NAALADL2: variants seen among roughly 807,000 people sequenced by gnomAD.
The protein encoded by NAALADL2 is N-acetylated alpha-linked acidic dipeptidase like 2, also known as inactive N-acetylated-alpha-linked acidic dipeptidase-like protein 2.
NAALADL2 carries 76 observed loss-of-function variants against 87.2 expected under a neutral mutation model. The observed-to-expected ratio is 0.87, with a 90% confidence interval of 0.72 to 1.05. NAALADL2 has a LOEUF of 1.05. Ranked by LOEUF, NAALADL2 falls within the 50% of genes least tolerant of loss-of-function variation. NAALADL2 has a pLI of 0.00. For missense variants in NAALADL2, 1,089 were observed against 945.8 expected (o/e 1.15, Z -1.99); for synonymous variants, 354 against 331.0 (o/e 1.07, Z -0.75).
chr3:175,319,076 C>T (rs1409593349), intron 4 of NAALADL2, among the ~76,000 whole-genome samples: 2 of 152,218 alleles, frequency 1.3e-5, no homozygotes, highest in Admixed American at 6.5e-5. Flanking sequence ...ATTAGACTCT[C>T]CCTCCCCCAC....
chr3:175,221,198 TA>T (rs368539591), intron 2 of NAALADL2, among the ~76,000 whole-genome samples: 68 of 135,858 alleles, frequency 5.0e-4, no homozygotes, highest in Admixed American at 5.3e-4. Context: ...GACTCCGTTT[TA>T]AAAAAAAAAA....
intron 9 of NAALADL2, among the ~76,000 whole-genome samples, chr3:175,562,996 A>G (rs920694621): frequency 3.3e-5 from 5 of 151,792 alleles, no homozygotes; most frequent in Non-Finnish European, 5.9e-5. Flanking sequence ...GTTATGTAGT[A>G]GTAATGATAA....
At chr3:175,689,145 T>C (rs972368733) in intron 11 of NAALADL2, among the ~76,000 whole-genome samples, 7 of 152,132 alleles carry the variant, frequency 4.6e-5, no homozygotes, top group Admixed American at 1.3e-4. Context: ...AAGTGAAAAA[T>C]GGCTTTTATT....
intron 10 of NAALADL2, among the ~76,000 whole-genome samples, chr3:175,599,629 G>T (rs1335615785): frequency 1.3e-5 from 2 of 152,020 alleles, no homozygotes; most frequent in Non-Finnish European, 2.9e-5. Flanking sequence ...CATCCTCACT[G>T]TAGTTTCTTT....
chr3:174,510,630 T>G (rs1258758103), intron 1 of NAALADL2, among the ~76,000 whole-genome samples: 1 of 152,032 alleles, frequency 6.6e-6, no homozygotes, highest in Non-Finnish European at 1.5e-5. Context: ...ATTGTATTGA[T>G]TCTTTTAAAT....
chr3:174,682,678 A>T (rs1727659983), intron 2 of NAALADL2, among the ~76,000 whole-genome samples: 1 of 152,198 alleles, frequency 6.6e-6, no homozygotes. Context: ...GAGCTACAGC[A>T]TTACTAGGCT....
At chr3:175,566,556 T>G (rs769683572) in intron 9 of NAALADL2, among the ~76,000 whole-genome samples, 2 of 152,164 alleles carry the variant, frequency 1.3e-5, no homozygotes, top group Non-Finnish European at 2.9e-5. Context: ...CTAACTTATT[T>G]AAATTTTATA....
At chr3:175,500,353 G>A (rs1232157315) in intron 9 of NAALADL2, among the ~76,000 whole-genome samples, 1 of 151,974 alleles carries the variant, frequency 6.6e-6, no homozygotes, top group Non-Finnish European at 1.5e-5. Flanking sequence ...GTTTTTATGT[G>A]TAGTGTGGAA....
chr3:175,763,249 G>C (rs1044211422), intron 13 of NAALADL2, among the ~76,000 whole-genome samples: 9 of 152,026 alleles, frequency 5.9e-5, no homozygotes, highest in Non-Finnish European at 1.3e-4. Flanking sequence ...AAGCATCATG[G>C]TCTTCTGGGG....
At chr3:174,919,659 T>C (rs1481780673) in intron 1 of NAALADL2, among the ~76,000 whole-genome samples, 1 of 152,212 alleles carries the variant, frequency 6.6e-6, no homozygotes, top group Non-Finnish European at 1.5e-5. Flanking sequence ...CAAACTCCAA[T>C]TGATGTTGAT....
At chr3:175,262,082 T>C (rs2109907178) in intron 4 of NAALADL2, among the ~76,000 whole-genome samples, 1 of 152,188 alleles carries the variant, frequency 6.6e-6, no homozygotes, top group South Asian at 2.1e-4. Context: ...CAGAAAATAA[T>C]TACATTTAAA....
chr3:174,655,444 C>T (rs1390561865), intron 2 of NAALADL2, among the ~76,000 whole-genome samples: 1 of 151,092 alleles, frequency 6.6e-6, no homozygotes, highest in African/African-American at 2.4e-5. Flanking sequence ...TTTAAGCCAC[C>T]ACCGTAAACT....
intron 4 of NAALADL2, among the ~76,000 whole-genome samples, chr3:175,290,896 T>C (rs1480874204): frequency 6.7e-6 from 1 of 149,328 alleles, no homozygotes. Context: ...AGATAATGTG[T>C]GTGCGTGTTT....
At chr3:175,227,708 T>A (rs1744361786) in intron 2 of NAALADL2, among the ~76,000 whole-genome samples, 1 of 151,980 alleles carries the variant, frequency 6.6e-6, no homozygotes, top group Non-Finnish European at 1.5e-5. Context: ...TTTAACATTC[T>A]AAATGATTTG....
chr3:174,988,822 A>T (rs978785952), intron 1 of NAALADL2, among the ~76,000 whole-genome samples: 2 of 152,186 alleles, frequency 1.3e-5, no homozygotes, highest in Non-Finnish European at 2.9e-5. Flanking sequence ...TTAGATCTGT[A>T]ATGACCCTAT....
In NAALADL2 at chr3:175,739,114, CCCCAAAG is replaced by C. The variant is rs556459730; in HGVS notation, c.1990+1716_1990+1722del. On this transcript the variant is annotated intron_variant, in intron 12 of 13. Transcript: ENST00000454872. ...AATAACTATCATGCATGAAAAGAAG[CCCCAAAG>C]AGTATACTGCAAAATGCTAACATTA... Among the ~76,000 whole-genome samples, 227 of 152,100 alleles carry C rather than the reference CCCCAAAG, an allele frequency of 1.5e-3. 1 individual carries two copies. Among genetic ancestry groups the C allele is most frequent in the African/African-American group, 5.2e-3 (217 of 41,480 alleles).
At chr3:175,303,395 A>T (rs1486336652) in intron 4 of NAALADL2, among the ~76,000 whole-genome samples, 4 of 152,160 alleles carry the variant, frequency 2.6e-5, no homozygotes, top group Non-Finnish European at 5.9e-5. Context: ...AAGACTACTG[A>T]AACTAGTAGC....
At chr3:175,447,126 AACTT>A in intron 5 of NAALADL2, 99 bp from the exon 6 acceptor site, 1 of 700,486 alleles carries the variant, frequency 1.4e-6, no homozygotes, top group Non-Finnish European at 2.3e-6. Flanking sequence ...AATGAATATA[AACTT>A]ACCAGTCATA....
At chr3:175,395,694 A>G (rs1476834784) in intron 5 of NAALADL2, among the ~76,000 whole-genome samples, 1 of 152,218 alleles carries the variant, frequency 6.6e-6, no homozygotes, top group East Asian at 1.9e-4. Context: ...TTTGTGAAGT[A>G]TTAATTGCTG....
Sources: allele counts gnomAD v4.1 joint callset (sites outside exome capture counted in the v4.1 genomes callset), GRCh38; gene constraint gnomAD v4.1.1; transcripts MANE v1.5; gene names NCBI Gene and HGNC (gene_info 2026-07-23, HGNC 2026-07-21).